LRRC37A2: variants seen among roughly 807,000 people sequenced by gnomAD.
LRRC37A2 encodes leucine rich repeat containing 37 member A2.
A neutral mutation model predicts 68.8 loss-of-function variants in LRRC37A2; 9 were observed. That is an observed-to-expected ratio of 0.13 (90% CI 0.08 to 0.23). The LOEUF (loss-of-function observed/expected upper bound fraction) is 0.23. Among genes scored for constraint, LRRC37A2 ranks in the 10% least tolerant of loss-of-function variants. The probability of loss-of-function intolerance (pLI) is 1.00; values close to 1 mark genes in which losing one functional copy is unlikely to be tolerated. For missense variants in LRRC37A2, 168 were observed against 950.4 expected, an observed-to-expected ratio of 0.18 and a Z score of 10.82; for synonymous variants, 63 against 367.6, an observed-to-expected ratio of 0.17 and a Z score of 9.48.
the LRRC37A2 span, among the ~76,000 whole-genome samples, chr17:46,725,065 A>G: frequency 8.5e-5 from 13 of 152,234 alleles, no homozygotes; most frequent in African/African-American, 3.1e-4. Flanking sequence ...TTAAGACAGC[A>G]CTTGCCATCT....
the LRRC37A2 span, among the ~76,000 whole-genome samples, chr17:46,493,114 T>C: frequency 6.9e-6 from 1 of 145,650 alleles, no homozygotes; most frequent in Non-Finnish European, 1.5e-5. Context: ...GTGCATCTTT[T>C]GATTTGCCAT....
chr17:46,905,780 TTG>T, the LRRC37A2 span, among the ~76,000 whole-genome samples: 240 of 117,018 alleles, frequency 2.1e-3, 1 homozygote, highest in African/African-American at 7.2e-3. Context: ...CTCTGTGTGT[TTG>T]TGTGTGTGTG....
chr17:46,953,874 G>T, the LRRC37A2 span, among the ~76,000 whole-genome samples: 1 of 152,062 alleles, frequency 6.6e-6, no homozygotes, highest in East Asian at 1.9e-4. Context: ...TCGCCCACTT[G>T]TTGATGGGGT....
the LRRC37A2 span, among the ~76,000 whole-genome samples, chr17:46,710,156 G>T: frequency 1.3e-5 from 2 of 152,090 alleles, no homozygotes; most frequent in Non-Finnish European, 2.9e-5. Flanking sequence ...CAAGATACAT[G>T]ATCTTTACAT....
the LRRC37A2 span, among the ~76,000 whole-genome samples, chr17:46,946,596 C>T: frequency 6.6e-6 from 1 of 151,666 alleles, no homozygotes; most frequent in African/African-American, 2.4e-5. Flanking sequence ...GGCATGGTGG[C>T]TCCCACCTTT....
At chr17:46,766,237 G>A in the LRRC37A2 span, among the ~76,000 whole-genome samples, 6 of 152,002 alleles carry the variant, frequency 3.9e-5, no homozygotes, top group South Asian at 2.1e-4. Flanking sequence ...GGCGAAACCC[G>A]TCTCTACTAA....
At chr17:46,721,883 A>G in the LRRC37A2 span, 11 of 1,589,066 alleles carry the variant, frequency 6.9e-6, no homozygotes, top group East Asian at 1.1e-4. Flanking sequence ...CCTCTGAGCG[A>G]TAAAGACGAC....
At chr17:46,866,612 G>T in the LRRC37A2 span, among the ~76,000 whole-genome samples, 9 of 152,062 alleles carry the variant, frequency 5.9e-5, no homozygotes, top group Non-Finnish European at 1.3e-4. Flanking sequence ...ATCTGATGGG[G>T]TTTTTCAGGG....
chr17:46,963,538 G>A, the LRRC37A2 span, among the ~76,000 whole-genome samples: 2 of 48,052 alleles, frequency 4.2e-5, no homozygotes, highest in East Asian at 7.3e-4. Context: ...AGTGAGGCTC[G>A]GTCTCAAAAA....
chr17:46,569,203 T>C, the LRRC37A2 span, among the ~76,000 whole-genome samples: 1 of 151,744 alleles, frequency 6.6e-6, no homozygotes, highest in Non-Finnish European at 1.5e-5. Flanking sequence ...CAGCCTTGGC[T>C]TCCCAAAGTG....
chr17:46,979,145 G>A, the LRRC37A2 span: 1 of 947,188 alleles, frequency 1.1e-6, no homozygotes, highest in Non-Finnish European at 1.4e-6. Context: ...CGGGAGGCTG[G>A]CTGCCTGCGC....
the LRRC37A2 span, among the ~76,000 whole-genome samples, chr17:46,743,593 C>T: frequency 6.6e-6 from 1 of 152,234 alleles, no homozygotes; most frequent in African/African-American, 2.4e-5. Flanking sequence ...GGGGACTTGC[C>T]TCACCATTGC....
chr17:46,903,149 T>C, the LRRC37A2 span, among the ~76,000 whole-genome samples: 1 of 151,960 alleles, frequency 6.6e-6, no homozygotes. Context: ...GGTATGGTGG[T>C]GCATGCCTGT....
At chr17:46,950,168 T>A in the LRRC37A2 span, among the ~76,000 whole-genome samples, 1 of 152,226 alleles carries the variant, frequency 6.6e-6, no homozygotes, top group Non-Finnish European at 1.5e-5. Context: ...TTTTTCAATG[T>A]CTCTGCAAGA....
At chr17:46,456,207 GATATGTGTGT>G in the LRRC37A2 span, among the ~76,000 whole-genome samples, 95 of 100,334 alleles carry the variant, frequency 9.5e-4, 3 homozygotes, top group East Asian at 1.8e-3. Context: ...TATTCCATGG[GATATGTGTGT>G]GTGTGTGTGT....
At chr17:46,845,785 C>CTTT in the LRRC37A2 span, among the ~76,000 whole-genome samples, 28 of 86,792 alleles carry the variant, frequency 3.2e-4, no homozygotes, top group Non-Finnish European at 4.5e-4. Context: ...ACTGTGCTGG[C>CTTT]TTTTTTTTTT....
chr17:46,783,978 G>A, the LRRC37A2 span, among the ~76,000 whole-genome samples: 3 of 152,198 alleles, frequency 2.0e-5, no homozygotes, highest in Non-Finnish European at 4.4e-5. Flanking sequence ...CGGCTGGGAG[G>A]CGGGGTTGAC....
the LRRC37A2 span, among the ~76,000 whole-genome samples, chr17:46,861,938 T>C: frequency 6.6e-6 from 1 of 151,930 alleles, no homozygotes; most frequent in Non-Finnish European, 1.5e-5. Context: ...CTGAGGCAGG[T>C]GGATCACCTG....
At chr17:47,030,945 G>A in the LRRC37A2 span, among the ~76,000 whole-genome samples, 1 of 152,020 alleles carries the variant, frequency 6.6e-6, no homozygotes, top group African/African-American at 2.4e-5. Flanking sequence ...AACCTTCCAG[G>A]CTTCTCACTT....
Sources: gnomAD v4.1 joint callset for allele counts (sites outside exome capture counted in the v4.1 genomes callset) on GRCh38, gnomAD v4.1.1 for gene constraint, MANE v1.5 for transcripts, NCBI Gene and HGNC (gene_info 2026-07-23, HGNC 2026-07-21) for gene names.